Variants in FHOD3 observed in about 807,000 individuals in gnomAD.
FHOD3 encodes the protein FH1/FH2 domain-containing protein 3.
Under a neutral mutation model 173.0 loss-of-function variants are expected in FHOD3, and 90 were observed. That is an observed-to-expected ratio of 0.52 (90% confidence interval 0.44 to 0.62). FHOD3 has a LOEUF of 0.62. Ranked by LOEUF, FHOD3 falls within the 20% of genes least tolerant of loss-of-function variation. The pLI is 0.00. For synonymous variants in FHOD3, 828 were observed against 823.0 expected (o/e 1.01, Z -0.10); for missense variants, 1,945 against 2,034.7 (o/e 0.96, Z 0.85).
At chr18:36,714,625 A>G (rs940690676) in intron 18 of FHOD3, among the ~76,000 whole-genome samples, 1 of 152,242 alleles carries the variant, frequency 6.6e-6, no homozygotes, top group African/African-American at 2.4e-5. Flanking sequence ...GAGAAAGAGC[A>G]AGGCTGTCTC....
chr18:36,488,550 A>G (rs542389316), intron 3 of FHOD3, among the ~76,000 whole-genome samples: 1 of 152,162 alleles, frequency 6.6e-6, no homozygotes, highest in Non-Finnish European at 1.5e-5. Context: ...TATTCACTGT[A>G]TGGAGGACAT....
chr18:36,450,466 T>C (rs991631370), intron 3 of FHOD3, among the ~76,000 whole-genome samples: 2 of 149,106 alleles, frequency 1.3e-5, no homozygotes, highest in Admixed American at 1.3e-4. Context: ...TTTATTTATT[T>C]ATTTATTTAT....
intron 5 of FHOD3, among the ~76,000 whole-genome samples, chr18:36,567,282 TAAA>T (rs2058298479): frequency 6.6e-6 from 1 of 151,730 alleles, no homozygotes; most frequent in Non-Finnish European, 1.5e-5. Flanking sequence ...AAAAGGGAAG[TAAA>T]GAAGGGAGGA....
intron 16 of FHOD3, among the ~76,000 whole-genome samples, chr18:36,689,378 C>T (rs915294080): frequency 6.6e-6 from 1 of 152,158 alleles, no homozygotes; most frequent in African/African-American, 2.4e-5. Context: ...GCCAGAGTCA[C>T]AGCAGATGGT....
chr18:36,733,107 A>G (rs947298944), intron 20 of FHOD3, among the ~76,000 whole-genome samples: 2 of 152,226 alleles, frequency 1.3e-5, no homozygotes, highest in African/African-American at 4.8e-5. Context: ...TTAGGACCAC[A>G]TGAGTAAACA....
chr18:36,607,263 A>G (rs1312114780), intron 8 of FHOD3, among the ~76,000 whole-genome samples: 1 of 152,212 alleles, frequency 6.6e-6, no homozygotes, highest in Non-Finnish European at 1.5e-5. Flanking sequence ...CTGCAGAATT[A>G]GTACCATGTA....
chr18:36,732,014 C>A (rs1018743970), intron 20 of FHOD3, among the ~76,000 whole-genome samples: 1 of 152,196 alleles, frequency 6.6e-6, no homozygotes, highest in African/African-American at 2.4e-5. Context: ...TTCAGGTGGG[C>A]TCTAAATCCA....
chr18:36,717,892 C>G lies in FHOD3; in HGVS notation c.2594C>G (p.Thr865Ser). 1 of 1,612,428 alleles carries G rather than the reference C, an allele frequency of 6.2e-7. No homozygotes were observed. Among genetic ancestry groups the G allele is most frequent in the Non-Finnish European group, 8.5e-7 (1 of 1,179,202 alleles). Residue 865 changes from threonine (T) to serine (S), a missense_variant, in exon 19 of 29, where the codon ACC (threonine) becomes AGC (serine). Coordinates refer to ENST00000590592, the MANE Select transcript of FHOD3 (RefSeq NM_001281740.3). ...AATGGACAGTGTGGCGACATCCTCA[C>G]CAACAAACGGTTCATGCTTGACATG... ...GVNGQCGDIL[T>S]NKRFMLDMLY...
intron 14 of FHOD3, among the ~76,000 whole-genome samples, chr18:36,663,711 C>G (rs1284769880): frequency 6.6e-6 from 1 of 152,230 alleles, no homozygotes; most frequent in Non-Finnish European, 1.5e-5. Context: ...ACTTCTCCCT[C>G]AGAATTCAGG....
At chr18:36,416,025 T>C (rs568738492) in intron 3 of FHOD3, among the ~76,000 whole-genome samples, 1 of 152,274 alleles carries the variant, frequency 6.6e-6, no homozygotes, top group Non-Finnish European at 1.5e-5. Flanking sequence ...ATCATATACA[T>C]AGGTGTCATT....
chr18:36,405,670 A>G (rs551464531), intron 3 of FHOD3, among the ~76,000 whole-genome samples: 22 of 152,358 alleles, frequency 1.4e-4, no homozygotes, highest in African/African-American at 5.3e-4. Flanking sequence ...CTCAGGATGA[A>G]CAAAGAATTT....
chr18:36,390,862 G>A (rs1286868920), intron 3 of FHOD3, among the ~76,000 whole-genome samples: 2 of 152,176 alleles, frequency 1.3e-5, no homozygotes, highest in Non-Finnish European at 2.9e-5. Flanking sequence ...GAGAAATAAC[G>A]AGTGGTCCAC....
At position 36,718,364 on chromosome 18, in the gene FHOD3, T is replaced by TACC; in HGVS notation, c.3066_3067insACC (p.Pro1022_Pro1023insThr). The TACC allele has an allele frequency of 7.6e-7, 1 of 1,312,962 alleles. No individual in the cohort carries two copies. The highest frequency in any genetic ancestry group is 1.0e-6 in the Non-Finnish European group (1 of 972,968). 81.3% of individuals were successfully genotyped at this position (1,312,962 alleles called of 1,614,324 possible). ...GTCACAGGGAGGCCCCTGGGCCACC[T>TACC]CCCCCACCCCCACCCACCTTTCTGG... On this transcript the variant is annotated inframe_insertion, in exon 19 of 29. Transcript: ENST00000590592.
At chr18:36,383,755 T>C (rs1045590164) in intron 3 of FHOD3, among the ~76,000 whole-genome samples, 18 of 152,220 alleles carry the variant, frequency 1.2e-4, no homozygotes, top group African/African-American at 3.9e-4. Flanking sequence ...CTGTTCCCAC[T>C]TAATAGAGGA....
At chr18:36,423,963 G>A (rs2050119170) in intron 3 of FHOD3, among the ~76,000 whole-genome samples, 1 of 152,130 alleles carries the variant, frequency 6.6e-6, no homozygotes, top group South Asian at 2.1e-4. Flanking sequence ...TGAGCATAAC[G>A]TGGATTTCAC....
chr18:36,390,967 C>T (rs2048275155), intron 3 of FHOD3, among the ~76,000 whole-genome samples: 1 of 152,188 alleles, frequency 6.6e-6, no homozygotes, highest in Admixed American at 6.5e-5. Context: ...AGTTTTCTTT[C>T]CTCTTGCCCC....
At chr18:36,394,009 A>G (rs748655653) in intron 3 of FHOD3, among the ~76,000 whole-genome samples, 4 of 152,234 alleles carry the variant, frequency 2.6e-5, no homozygotes, top group Non-Finnish European at 5.9e-5. Flanking sequence ...TGAGGGAACC[A>G]TGGGAGAAAA....
chr18:36,364,147 G>C (rs952174802), intron 2 of FHOD3, among the ~76,000 whole-genome samples: 21 of 152,292 alleles, frequency 1.4e-4, no homozygotes, highest in African/African-American at 4.6e-4. Context: ...ATCAAGACAG[G>C]GAGGCATGTA....
intron 20 of FHOD3, among the ~76,000 whole-genome samples, chr18:36,736,246 C>T (rs907463693): frequency 2.6e-5 from 4 of 152,250 alleles, no homozygotes; most frequent in East Asian, 3.8e-4. Flanking sequence ...CCTGACACCC[C>T]ACAGGGCATG....
Sources: allele counts gnomAD v4.1 joint callset (sites outside exome capture counted in the v4.1 genomes callset), GRCh38; gene constraint gnomAD v4.1.1; transcripts MANE v1.5; gene names NCBI Gene and HGNC (gene_info 2026-07-23, HGNC 2026-07-21).